Variants in RGS8 observed in about 807,000 individuals in gnomAD.
The protein encoded by RGS8 is regulator of G-protein signaling 8.
A neutral mutation model predicts 21.7 loss-of-function variants in RGS8; 8 were observed. The ratio of observed to expected loss-of-function variants is 0.37; its 90% confidence interval spans 0.22 to 0.66. RGS8 has a LOEUF of 0.66. Ranked by LOEUF, RGS8 falls within the 30% of genes least tolerant of loss-of-function variation. The pLI is 0.59. For synonymous variants in RGS8, 80 were observed against 83.6 expected, an observed-to-expected ratio of 0.96 and a Z score of 0.24; for missense variants, 157 against 217.9, an observed-to-expected ratio of 0.72 and a Z score of 1.76.
At chr1:182,740,845 A>G in the RGS8 span, among the ~76,000 whole-genome samples, 1 of 152,036 alleles carries the variant, frequency 6.6e-6, no homozygotes, top group African/African-American at 2.4e-5. Flanking sequence ...GATACAGCAC[A>G]TGTTTCAGAG....
chr1:182,747,044 T>C, the RGS8 span, among the ~76,000 whole-genome samples: 1 of 45,628 alleles, frequency 2.2e-5, no homozygotes, highest in Non-Finnish European at 3.9e-5. Context: ...ACTGCTGGTC[T>C]TTTTTTTTTT....
chr1:182,713,636 T>G, the RGS8 span, among the ~76,000 whole-genome samples: 1 of 152,114 alleles, frequency 6.6e-6, no homozygotes, highest in South Asian at 2.1e-4. Flanking sequence ...TGGACCACTT[T>G]CCTGGTTCAC....
At chr1:182,717,932 G>C in the RGS8 span, among the ~76,000 whole-genome samples, 113 of 152,228 alleles carry the variant, frequency 7.4e-4, 2 homozygotes, top group African/African-American at 2.6e-3. Flanking sequence ...ATTTTACTGA[G>C]TATAAGACAG....
upstream of RGS8, among the ~76,000 whole-genome samples, chr1:182,677,682 G>A (rs189472882): frequency 6.6e-6 from 1 of 152,146 alleles, no homozygotes; most frequent in African/African-American, 2.4e-5. Flanking sequence ...GCATTCATTT[G>A]TCTCCTCACT....
intron 1 of RGS8, among the ~76,000 whole-genome samples, chr1:182,681,775 C>T (rs973107439): frequency 6.6e-5 from 10 of 152,212 alleles, no homozygotes; most frequent in South Asian, 4.1e-4. Context: ...CTCCGATGCA[C>T]GGAGATGCTG....
chr1:182,692,155 G>A, the RGS8 span, among the ~76,000 whole-genome samples: 7 of 151,954 alleles, frequency 4.6e-5, no homozygotes, highest in Non-Finnish European at 7.4e-5. Flanking sequence ...ACAGGCACGT[G>A]CCACCACACC....
chr1:182,727,246 C>G, the RGS8 span, among the ~76,000 whole-genome samples: 3 of 152,214 alleles, frequency 2.0e-5, no homozygotes, highest in African/African-American at 7.2e-5. Context: ...AACTTAACCT[C>G]TCTGTACCTT....
exon 3 of RGS8, chr1:182,669,738 T>A (rs1664060247): frequency 6.2e-7 from 1 of 1,600,620 alleles, no homozygotes; most frequent in Admixed American, 1.7e-5. Context: ...AATTTACCCT[T>A]GCACGTCCTC....
the RGS8 span, among the ~76,000 whole-genome samples, chr1:182,713,366 TA>T: frequency 6.9e-4 from 105 of 152,188 alleles, no homozygotes; most frequent in African/African-American, 2.3e-3. Context: ...GTATTTTTAG[TA>T]GAGATGGGGT....
the RGS8 span, among the ~76,000 whole-genome samples, chr1:182,725,723 G>A: frequency 6.6e-3 from 1,012 of 152,322 alleles, 13 homozygotes; most frequent in African/African-American, 0.023. Context: ...AAGAAGTGAT[G>A]TGTTTCCTGC....
intron 1 of RGS8, among the ~76,000 whole-genome samples, chr1:182,682,294 G>C (rs1311541904): frequency 6.6e-6 from 1 of 152,148 alleles, no homozygotes; most frequent in Non-Finnish European, 1.5e-5. Flanking sequence ...GGACATTTGA[G>C]GCTTAGCACC....
chr1:182,743,743 G>A, the RGS8 span, among the ~76,000 whole-genome samples: 1 of 152,142 alleles, frequency 6.6e-6, no homozygotes, highest in Admixed American at 6.5e-5. Context: ...TATTCCCCAT[G>A]GAGGGCCTCT....
the RGS8 span, among the ~76,000 whole-genome samples, chr1:182,720,952 T>C: frequency 0.072 from 4,605 of 63,996 alleles, 281 homozygotes; most frequent in African/African-American, 0.16. Flanking sequence ...TATACATATA[T>C]ACATACATAT....
chr1:182,686,045 G>A (rs957339998), upstream of RGS8, among the ~76,000 whole-genome samples: 68 of 152,162 alleles, frequency 4.5e-4, no homozygotes, highest in African/African-American at 1.5e-3. Context: ...CAGAGGAGGC[G>A]TCCTCTGGAC....
the RGS8 span, among the ~76,000 whole-genome samples, chr1:182,740,879 A>T: frequency 6.6e-6 from 1 of 152,146 alleles, no homozygotes; most frequent in African/African-American, 2.4e-5. Flanking sequence ...GGGTAAGGTC[A>T]CCTATCAACA....
the RGS8 span, among the ~76,000 whole-genome samples, chr1:182,730,710 C>CAAA: frequency 9.0e-6 from 1 of 110,692 alleles, no homozygotes; most frequent in Non-Finnish European, 1.9e-5. Flanking sequence ...GACTGCATCT[C>CAAA]AAAAAAAAAA....
chr1:182,668,493 T>C (rs961321204), intron 3 of RGS8, among the ~76,000 whole-genome samples: 7 of 152,200 alleles, frequency 4.6e-5, no homozygotes, highest in Admixed American at 3.9e-4. Flanking sequence ...CTGGTAATTG[T>C]CTTTGTTCAC....
chr1:182,680,778 G>A (rs1280628225), intron 1 of RGS8, among the ~76,000 whole-genome samples: 1 of 152,212 alleles, frequency 6.6e-6, no homozygotes, highest in African/African-American at 2.4e-5. Flanking sequence ...ACGGTCCCCG[G>A]CAACAGGAAA....
intron 5 of RGS8, among the ~76,000 whole-genome samples, chr1:182,658,021 C>T (rs1276257401): frequency 6.6e-6 from 1 of 152,188 alleles, no homozygotes; most frequent in African/African-American, 2.4e-5. Context: ...TACGACCCTT[C>T]AAGAAGTCAA....
Sources: gnomAD v4.1 joint callset for allele counts (sites outside exome capture counted in the v4.1 genomes callset) on GRCh38, gnomAD v4.1.1 for gene constraint, MANE v1.5 for transcripts, NCBI Gene and HGNC (gene_info 2026-07-23, HGNC 2026-07-21) for gene names.